PCDHGB2: variants seen among roughly 807,000 people sequenced by gnomAD.
PCDHGB2 encodes protocadherin gamma-B2.
PCDHGB2 carries 55 observed loss-of-function variants against 59.3 expected under a neutral mutation model. That is an observed-to-expected ratio of 0.93 (90% CI 0.75 to 1.16). The LOEUF (loss-of-function observed/expected upper bound fraction) is 1.16. Ranked by LOEUF, PCDHGB2 falls within the 50% of genes most tolerant of loss-of-function variation. PCDHGB2 has a pLI of 0.00. For missense variants in PCDHGB2, 1,228 were observed against 1,198.5 expected (o/e 1.02, Z -0.36); for synonymous variants, 516 against 512.0 (o/e 1.01, Z -0.11).
chr5:141,409,938 C>T (rs754052398), intron 1 of PCDHGB2: 114 of 1,613,200 alleles, frequency 7.1e-5, no homozygotes, highest in Admixed American at 4.3e-4. Flanking sequence ...GATATGGTAC[C>T]TCGCTCTGCA....
intron 1 of PCDHGB2, chr5:141,374,248 G>A (rs1259243407): frequency 1.9e-6 from 3 of 1,613,890 alleles, no homozygotes. Context: ...TGGGACTGGA[G>A]CCCCAGGAGT....
intron 1 of PCDHGB2, chr5:141,404,696 G>A (rs757662807): frequency 6.2e-7 from 1 of 1,614,104 alleles, no homozygotes; most frequent in Non-Finnish European, 8.5e-7. Context: ...ACCCCGCTCT[G>A]CAGAGCCTGG....
At chr5:141,417,626 T>G in intron 1 of PCDHGB2, 2 of 689,576 alleles carry the variant, frequency 2.9e-6, no homozygotes, top group East Asian at 2.9e-5. Flanking sequence ...GAGCAAGCGC[T>G]GACGCCGGGG....
rs201279747 is a variant in PCDHGB2, at chr5:141,414,931, G to A, written c.2421+52375G>A. On this transcript the variant is annotated intron_variant, in intron 1 of 3. Coordinates refer to ENST00000522605, the MANE Select transcript of PCDHGB2 (RefSeq NM_018923.3). ...AGGCGTGGAGCTGGCGCCCCGCTCC[G>A]CAGAGCCCGGCTACCTGGTGACCAA... 123 of 1,614,120 alleles carry A rather than the reference G, an allele frequency of 7.6e-5. No homozygotes were observed. In the East Asian group the frequency reaches 2.5e-3, roughly 33 times the overall value.
In PCDHGB2 at chr5:141,432,598, G is replaced by A; in HGVS notation, c.2422-62209G>A. The A allele has an allele frequency of 6.2e-7, 1 of 1,613,920 alleles. No individual in the cohort carries two copies. The highest frequency in any genetic ancestry group is 8.5e-7 in the Non-Finnish European group (1 of 1,179,972). On this transcript the variant is annotated intron_variant, in intron 1 of 3. Transcript: ENST00000522605. The surrounding 1 kb of genome is among the most constrained non-coding windows in gnomAD (Gnocchi z 6.0). ...CCTACCGTCTGCTCAAGGCCAGCGA[G>A]CCGGGACTCTTCTCGGTGGGTCTGC...
chr5:141,410,640 G>A (rs747132686), intron 1 of PCDHGB2: 1 of 1,599,056 alleles, frequency 6.3e-7, no homozygotes, highest in Non-Finnish European at 8.5e-7. Flanking sequence ...TCTTTTTTGT[G>A]TGTGATTTAT....
Position 141,485,337 on chromosome 5 carries a change from A to G in PCDHGB2, c.2422-9470A>G, listed in dbSNP as rs147409155. On this transcript the variant is annotated intron_variant, in intron 1 of 3. Transcript: ENST00000522605. The surrounding 1 kb of genome is among the most constrained non-coding windows in gnomAD (Gnocchi z 5.7). ...AATGTCGCTCAAGATTTCCTGCTGG[A>G]TACGGACAGTCTGTCAGCTCGCAGG... 4.3e-5 allele frequency: 70 copies of G among 1,614,012 alleles called. No individual in the cohort carries two copies. Among genetic ancestry groups the G allele is most frequent in the Non-Finnish European group, 5.7e-5 (67 of 1,180,016 alleles).
intron 1 of PCDHGB2, among the ~76,000 whole-genome samples, chr5:141,492,781 T>C (rs945023154): frequency 9.9e-5 from 15 of 152,194 alleles, no homozygotes; most frequent in African/African-American, 3.6e-4. Flanking sequence ...TGAGTGAGCC[T>C]CTATAGGACA....
intron 1 of PCDHGB2, chr5:141,478,308 T>A: frequency 6.2e-7 from 1 of 1,614,050 alleles, no homozygotes; most frequent in Non-Finnish European, 8.5e-7. Context: ...CGAGCCCCGG[T>A]GAGCTCACTG....
intron 1 of PCDHGB2, among the ~76,000 whole-genome samples, chr5:141,456,306 G>A (rs937409031): frequency 4.6e-5 from 7 of 152,158 alleles, no homozygotes; most frequent in Admixed American, 2.6e-4. Context: ...GAGAACAGCA[G>A]CTAGGGCTCC....
intron 1 of PCDHGB2, chr5:141,430,809 G>T (rs949727881): frequency 2.0e-6 from 3 of 1,526,896 alleles, no homozygotes; most frequent in Non-Finnish European, 2.6e-6. Flanking sequence ...GTCCTGCTGG[G>T]AATCCTCCTG....
chr5:141,413,725 C>A, intron 1 of PCDHGB2: 1 of 1,613,546 alleles, frequency 6.2e-7, no homozygotes, highest in Non-Finnish European at 8.5e-7. Flanking sequence ...GCACTTCTCC[C>A]TAAGAGTTCA....
intron 1 of PCDHGB2, chr5:141,468,401 C>G (rs943048252): frequency 6.7e-6 from 1 of 149,126 alleles, no homozygotes; most frequent in Non-Finnish European, 1.5e-5. Flanking sequence ...TTGGTGAGAA[C>G]TAATAATAAG....
In PCDHGB2 at chr5:141,431,469, A is replaced by G; in HGVS notation, c.2422-63338A>G. 1.9e-6 allele frequency: 3 copies of G among 1,613,824 alleles called. No individual in the cohort carries two copies. Among genetic ancestry groups the G allele is most frequent in the Non-Finnish European group, 2.5e-6 (3 of 1,179,968 alleles). ...CGCGTGATGGTTCTGGATGCGAACG[A>G]CAACGCACCAGCGTTTGCTCAGCCC... is the stretch of plus-strand genomic sequence containing the variant. On this transcript the variant is annotated intron_variant, in intron 1 of 3. Coordinates refer to ENST00000522605, the MANE Select transcript of PCDHGB2 (RefSeq NM_018923.3). This position sits in a 1 kb window ranked among gnomAD's most constrained non-coding sequence, Gnocchi z 4.8.
rs1279903156 is a variant in PCDHGB2, at chr5:141,361,965, G to A, written c.1830G>A (p.Gln610=). 2.5e-6 allele frequency: 4 copies of A among 1,602,122 alleles called. No homozygotes were observed. Among genetic ancestry groups the A allele is most frequent in the Admixed American group, 3.4e-5 (2 of 59,462 alleles). ...CTTGGCTGTCCTACCACGTGCTGCAGGCCAGCGAGCCCGGGCTCTTCAGCC... is the reference window on the plus strand; with the variant it reads ...CTTGGCTGTCCTACCACGTGCTGCAAGCCAGCGAGCCCGGGCTCTTCAGCC... ...HNAWLSYHVL[Q]ASEPGLFSLG... The change falls in exon 1 of 4, where the codon CAG becomes CAA. Residue 610 remains glutamine (Q), a synonymous_variant. Transcript: ENST00000522605.
Position 141,476,387 on chromosome 5 carries a change from C to G in PCDHGB2, c.2422-18420C>G, listed in dbSNP as rs147660262. Reference sequence around the variant, plus strand: ...GACCGGAGAGATGTTTGTGAACGACCGTCTGGATCGAGAGGAGCTGTGTGG... The same window carrying G: ...GACCGGAGAGATGTTTGTGAACGACGGTCTGGATCGAGAGGAGCTGTGTGG... On this transcript the variant is annotated intron_variant, in intron 1 of 3. Coordinates refer to ENST00000522605, the MANE Select transcript of PCDHGB2 (RefSeq NM_018923.3). The surrounding 1 kb of genome is among the most constrained non-coding windows in gnomAD (Gnocchi z 7.6). 3.6e-4 allele frequency: 587 copies of G among 1,614,076 alleles called. No individual in the cohort carries two copies. The highest frequency in any genetic ancestry group is 4.7e-4 in the Non-Finnish European group (549 of 1,180,024).
intron 1 of PCDHGB2, chr5:141,410,413 TG>T: frequency 6.2e-7 from 1 of 1,614,056 alleles, no homozygotes; most frequent in Non-Finnish European, 8.5e-7. Flanking sequence ...AGTCTGGACC[TG>T]TAGTTCCCCC....
rs148119281 is a variant in PCDHGB2, at chr5:141,511,006, C to T, written c.2629C>T (p.Arg877Cys). The T allele has an allele frequency of 3.5e-5, 56 of 1,614,078 alleles. No individual in the cohort carries two copies. Among genetic ancestry groups the T allele is most frequent in the African/African-American group, 5.3e-5 (4 of 74,922 alleles). The change falls in exon 4 of 4, where the codon CGC (arginine) becomes TGC (cysteine). Residue 877 changes from arginine to cysteine, a missense_variant. By Grantham distance (180) the Arg-to-Cys change is radical. This residue lies in a region of PCDHGB2 where 433 missense variants were observed against 441.8 expected (regional missense o/e 0.98). Transcript: ENST00000522605. Reference protein sequence around the residue: ...GGAGTMGLSARYGPQFTLQHV... With the variant: ...GGAGTMGLSACYGPQFTLQHV... ...TGCCGGCACCATGGGATTGAGCGCC[C>T]GCTACGGACCCCAGTTCACCCTGCA...
chr5:141,473,274 TA>T (rs2099318463), intron 1 of PCDHGB2, among the ~76,000 whole-genome samples: 1 of 152,210 alleles, frequency 6.6e-6, no homozygotes, highest in South Asian at 2.1e-4. Context: ...ATGCTATGAT[TA>T]TTTTACTATG....
Sources: gnomAD v4.1 joint callset for allele counts (sites outside exome capture counted in the v4.1 genomes callset) on GRCh38, gnomAD v4.1.1 for gene constraint, gnomAD v4.1.1 regional missense constraint, Gnocchi (gnomAD v3.1) non-coding constraint, MANE v1.5 for transcripts, NCBI Gene and HGNC (gene_info 2026-07-23, HGNC 2026-07-21) for gene names.